Variants in CAMKK1 observed in about 807,000 individuals in gnomAD.
CAMKK1 encodes calcium/calmodulin dependent protein kinase kinase 1, also known as calcium/calmodulin-dependent protein kinase kinase 1.
A neutral mutation model predicts 63.5 loss-of-function variants in CAMKK1; 20 were observed. The observed-to-expected ratio is 0.32, with a 90% CI of 0.22 to 0.46. The LOEUF (loss-of-function observed/expected upper bound fraction) is 0.46. CAMKK1 is among the 20% of genes least tolerant of loss of function. CAMKK1 has a pLI of 1.00. For synonymous variants in CAMKK1, 253 were observed against 269.0 expected (o/e 0.94, Z 0.58); for missense variants, 588 against 658.1 (o/e 0.89, Z 1.17).
At position 3,882,499 on chromosome 17, in the gene CAMKK1, C is replaced by T; in HGVS notation, c.685+29G>A. ...AGCCCTTGGGCCAGCCCTGAGTGAG[C>T]TGCTGTGGGAATGAGCCAGGTCACT... is the stretch of plus-strand genomic sequence containing the variant. On this transcript the variant is annotated intron_variant, in intron 7 of 15. Coordinates refer to ENST00000348335, the MANE Select transcript of CAMKK1 (RefSeq NM_032294.3). This position sits in a 1 kb window ranked among gnomAD's most constrained non-coding sequence, Gnocchi z 4.3. 6.3e-7 allele frequency: 1 copy of T among 1,598,524 alleles called. No individual in the cohort carries two copies. The highest frequency in any genetic ancestry group is 1.3e-5 in the African/African-American group (1 of 74,726).
At chr17:3,865,853 C>T (rs1344814534) in intron 15 of CAMKK1, 55 bp downstream of exon 15, 2 of 1,608,412 alleles carry the variant, frequency 1.2e-6, no homozygotes, top group African/African-American at 1.3e-5. Context: ...GGGCCTCAGA[C>T]CTCCCCACCC....
intron 9 of CAMKK1, 128 bp downstream of exon 9, chr17:3,880,218 T>A: frequency 1.7e-3 from 1,024 of 589,952 alleles, no homozygotes; most frequent in East Asian, 3.0e-3. Flanking sequence ...CATGCCCCAC[T>A]CCCACTGAAG....
In CAMKK1 at chr17:3,889,246, G is replaced by A. The variant is rs2055795102; in HGVS notation, c.-43-3516C>T. Reference sequence around the variant, plus strand: ...GTCTCAAGGCCCTTCCCAAGCTCAGGCCTTAGTAGATACTCTGTAGAAACT... The same window carrying A: ...GTCTCAAGGCCCTTCCCAAGCTCAGACCTTAGTAGATACTCTGTAGAAACT... On this transcript the variant is annotated intron_variant, in intron 1 of 15. Transcript: ENST00000348335. This position sits in a 1 kb window ranked among gnomAD's most constrained non-coding sequence, Gnocchi z 5.2. Among the ~76,000 whole-genome samples the A allele has an allele frequency of 1.3e-5, 2 of 152,070 alleles. No individual in the cohort carries two copies. The highest frequency in any genetic ancestry group is 4.1e-4 in the South Asian group (2 of 4,822).
Position 3,883,974 on chromosome 17 carries a change from G to C in CAMKK1, c.409-37C>G, listed in dbSNP as rs768709369. The stretch of plus-strand genomic sequence containing the variant: ...CATCAGTCAGCCCCACCTGGACAGG[G>C]CAACCCCTCCCAGGACCAGCTCAGG... On this transcript the variant is annotated intron_variant, in intron 3 of 15. Transcript: ENST00000348335. This position sits in a 1 kb window ranked among gnomAD's most constrained non-coding sequence, Gnocchi z 4.7. 2 of 1,607,844 alleles carry C rather than the reference G, an allele frequency of 1.2e-6. No individual in the cohort carries two copies.
Position 3,884,068 on chromosome 17 carries a change from C to T in CAMKK1, c.409-131G>A, listed in dbSNP as rs72825477. On this transcript the variant is annotated intron_variant, in intron 3 of 15. Transcript: ENST00000348335. The surrounding 1 kb of genome is among the most constrained non-coding windows in gnomAD (Gnocchi z 4.5). ...GCACTACCCACCACCAGCTGGCTCACGGGCAAATATTGTAGCAGATGGGGA... is the reference window on the plus strand; with the variant it reads ...GCACTACCCACCACCAGCTGGCTCATGGGCAAATATTGTAGCAGATGGGGA... The T allele has an allele frequency of 1.3e-5, 12 of 905,800 alleles. No individual in the cohort carries two copies. The highest frequency in any genetic ancestry group is 1.1e-4 in the South Asian group (8 of 71,480). The allele number at this position is 905,800 out of a possible 1,614,324, so 56.1% of individuals were successfully genotyped here. A position where few individuals can be genotyped will look rare whatever the true frequency, so the allele number is the denominator to read the frequency against.
At position 3,883,066 on chromosome 17, in the gene CAMKK1, G is replaced by A. The variant is rs762224964; in HGVS notation, c.624C>T (p.His208=). The A allele has an allele frequency of 2.7e-5, 43 of 1,613,774 alleles. No homozygotes were observed. Among genetic ancestry groups the A allele is most frequent in the Non-Finnish European group, 3.5e-5 (41 of 1,179,978 alleles). Residue 208 remains histidine (H), a synonymous_variant, in exon 6 of 16, where the codon CAC becomes CAT. Transcript: ENST00000348335. This position sits in a 1 kb window ranked among gnomAD's most constrained non-coding sequence, Gnocchi z 4.7. ...QEIAILKKLD[H]VNVVKLIEVL... ...CCTCGATCAGTTTGACCACATTCAC[G>A]TGGTCCAGCTTCTTCAGGATGGCAA...
Position 3,882,551 on chromosome 17 carries a change from G to T in CAMKK1, c.662C>A (p.Pro221Gln). Residue 221 changes from proline (P) to glutamine (Q), a missense_variant, in exon 7 of 16, where the codon CCA (proline) becomes CAA (glutamine). Coordinates refer to ENST00000348335, the MANE Select transcript of CAMKK1 (RefSeq NM_032294.3). The surrounding 1 kb of genome is among the most constrained non-coding windows in gnomAD (Gnocchi z 4.3). Reference sequence around the variant, plus strand: ...ACCCAAATAGAGGTTGTCCTCAGCTGGGTCATCCAGGACCTGGTCAGAGGG... The same window carrying T: ...ACCCAAATAGAGGTTGTCCTCAGCTTGGTCATCCAGGACCTGGTCAGAGGG... ...VVKLIEVLDD[P>Q]AEDNLYLVFD... The T allele has an allele frequency of 6.3e-7, 1 of 1,593,946 alleles. No individual in the cohort carries two copies. Among genetic ancestry groups the T allele is most frequent in the South Asian group, 1.1e-5 (1 of 88,274 alleles).
chr17:3,870,010 G>C, intron 12 of CAMKK1, 122 bp from the exon 13 acceptor site: 1 of 757,700 alleles, frequency 1.3e-6, no homozygotes, highest in African/African-American at 1.7e-5. Flanking sequence ...CAGCAGGCAG[G>C]AATTTCACAA....
chr17:3,861,974 T>G lies in CAMKK1; in HGVS notation c.*237A>C, dbSNP rs2915546. 0.42 allele frequency: 237,329 copies of G among 568,786 alleles called. 51,862 individuals are homozygous for G. The highest frequency in any genetic ancestry group is 0.63 in the African/African-American group (33,393 of 53,186). The allele number at this position is 568,786 out of a possible 1,614,324, so 35.2% of individuals were successfully genotyped here. A position where few individuals can be genotyped will look rare whatever the true frequency, so the allele number is the denominator to read the frequency against. On this transcript the variant is annotated 3_prime_UTR_variant, in exon 16 of 16. Coordinates refer to ENST00000348335, the MANE Select transcript of CAMKK1 (RefSeq NM_032294.3). ...CACAGAATGGGTCAGGCCAAGGAGG[T>G]CCAAGAAGAGGAGGATGGCCTCGTG...
intron 15 of CAMKK1, among the ~76,000 whole-genome samples, chr17:3,864,702 G>C (rs1486447489): frequency 6.6e-6 from 1 of 152,036 alleles, no homozygotes; most frequent in Non-Finnish European, 1.5e-5. Flanking sequence ...TCCCCCAACC[G>C]CAACCACCTC....
Position 3,884,518 on chromosome 17 carries a change from T to G in CAMKK1, c.361-91A>C. The G allele has an allele frequency of 6.5e-6, 8 of 1,230,348 alleles. No individual in the cohort carries two copies. Among genetic ancestry groups the G allele is most frequent in the Non-Finnish European group, 8.1e-6 (7 of 868,456 alleles). The allele number at this position is 1,230,348 out of a possible 1,614,324, so 76.2% of individuals were successfully genotyped here. ...CCCGTTCAGGGTCCAATTCTGGCCA[T>G]AAGCTCCTCATTCCCGGACCCCCAG... On this transcript the variant is annotated intron_variant, in intron 2 of 15. Transcript: ENST00000348335. The surrounding 1 kb of genome is among the most constrained non-coding windows in gnomAD (Gnocchi z 4.5).
Position 3,862,224 on chromosome 17 carries a change from T to C in CAMKK1, c.1505A>G (p.Glu502Gly). The C allele has an allele frequency of 6.3e-7, 1 of 1,589,270 alleles. No homozygotes were observed. The highest frequency in any genetic ancestry group is 8.6e-7 in the Non-Finnish European group (1 of 1,167,260). Residue 502 changes from glutamate (E) to glycine (G), a missense_variant, in exon 16 of 16, where the codon GAG (glutamate) becomes GGG (glycine). By Grantham distance (98) the Glu-to-Gly change is moderately conservative. Transcript: ENST00000348335. This position sits in a 1 kb window ranked among gnomAD's most constrained non-coding sequence, Gnocchi z 4.1. ...SPELPGVQED[E>G]AAS is the part of the protein sequence containing the mutation. ...GCATGCAGGGGCTCAGGATGCAGCC[T>C]CGTCTTCCTGGACGCCGGGGAGCTC... is the stretch of plus-strand genomic sequence containing the variant.
chr17:3,873,596 G>T, intron 10 of CAMKK1, 134 bp from the exon 11 acceptor site: 3 of 858,614 alleles, frequency 3.5e-6, no homozygotes, highest in East Asian at 2.5e-5. Context: ...AACACTCCGC[G>T]GTACTTGCCC....
Position 3,880,570 on chromosome 17 carries a change from A to G in CAMKK1, c.708-136T>C, listed in dbSNP as rs138395664. Reference sequence around the variant, plus strand: ...AGATATTAGCTTTTTCTGCTACATAATAAAAAATTTAAAGCACACATACTC... The same window carrying G: ...AGATATTAGCTTTTTCTGCTACATAGTAAAAAATTTAAAGCACACATACTC... On this transcript the variant is annotated intron_variant, in intron 8 of 15. Coordinates refer to ENST00000348335, the MANE Select transcript of CAMKK1 (RefSeq NM_032294.3). The G allele has an allele frequency of 6.2e-4, 400 of 642,822 alleles. 5 individuals carry two copies. The East Asian group carries it at 0.011, about 17-fold the overall frequency. 39.8% of individuals were successfully genotyped at this position (642,822 alleles called of 1,614,324 possible).
chr17:3,883,502 T>C lies in CAMKK1; in HGVS notation c.463-22A>G. 5 of 1,602,370 alleles carry C rather than the reference T, an allele frequency of 3.1e-6. No homozygotes were observed. Among genetic ancestry groups the C allele is most frequent in the East Asian group, 4.5e-5 (2 of 44,780 alleles). On this transcript the variant is annotated intron_variant, in intron 4 of 15. Transcript: ENST00000348335. The surrounding 1 kb of genome is among the most constrained non-coding windows in gnomAD (Gnocchi z 4.7). ...TTGCCTAAGGAAGGAGGGACAGAAATGTCACTACTGTGCAGCCACCAGGGG... is the reference window on the plus strand; with the variant it reads ...TTGCCTAAGGAAGGAGGGACAGAAACGTCACTACTGTGCAGCCACCAGGGG...
At chr17:3,870,841 G>A (rs1293282048) in intron 12 of CAMKK1, among the ~76,000 whole-genome samples, 1 of 152,048 alleles carries the variant, frequency 6.6e-6, no homozygotes, top group Non-Finnish European at 1.5e-5. Context: ...GGGTATAGCA[G>A]GAAGAGAGGC....
chr17:3,877,905 T>C (rs2055239601), intron 9 of CAMKK1, among the ~76,000 whole-genome samples: 1 of 152,220 alleles, frequency 6.6e-6, no homozygotes, highest in South Asian at 2.1e-4. Flanking sequence ...TCTGTATATC[T>C]GAACACAGTG....
intron 9 of CAMKK1, chr17:3,880,127 C>T (rs1339695727): frequency 1.0e-5 from 6 of 573,928 alleles, no homozygotes; most frequent in Admixed American, 3.1e-5. Context: ...GGACCAGACA[C>T]GACGAAGGAT....
Position 3,892,339 on chromosome 17 carries a change from C to T in CAMKK1, c.-44+600G>A, listed in dbSNP as rs2055931738. On this transcript the variant is annotated intron_variant, in intron 1 of 15. Transcript: ENST00000348335. This position sits in a 1 kb window ranked among gnomAD's most constrained non-coding sequence, Gnocchi z 7.5. ...TGACACACGCACACCCGCCTCCAAA[C>T]AGCACACGCAGGTCCCTGCGCACGT... is the stretch of plus-strand genomic sequence containing the variant. 6.6e-6 allele frequency among the ~76,000 whole-genome samples: 1 copy of T among 152,164 alleles called. No individual in the cohort carries two copies. Among genetic ancestry groups the T allele is most frequent in the Non-Finnish European group, 1.5e-5 (1 of 68,014 alleles).
Sources: gnomAD v4.1 joint callset for allele counts (sites outside exome capture counted in the v4.1 genomes callset) on GRCh38, gnomAD v4.1.1 for gene constraint, Gnocchi (gnomAD v3.1) non-coding constraint, MANE v1.5 for transcripts, NCBI Gene and HGNC (gene_info 2026-07-23, HGNC 2026-07-21) for gene names.